The following ARHGAP20 variants were observed in gnomAD, a reference collection of about 807,000 sequenced individuals.
The protein encoded by ARHGAP20 is Rho GTPase activating protein 20, also known as rho GTPase-activating protein 20.
ARHGAP20 carries 34 observed loss-of-function variants against 73.7 expected under a neutral mutation model. The ratio of observed to expected loss-of-function variants is 0.46; its 90% confidence interval spans 0.35 to 0.61. The LOEUF (loss-of-function observed/expected upper bound fraction) is 0.61. Ranked by LOEUF, ARHGAP20 falls within the 20% of genes least tolerant of loss-of-function variation. The pLI is 0.00. For synonymous variants in ARHGAP20, 523 were observed against 518.2 expected (o/e 1.01, Z -0.13); for missense variants, 1,314 against 1,420.9 (o/e 0.92, Z 1.21).
At chr11:110,632,683 G>A (rs879583903) in intron 2 of ARHGAP20, among the ~76,000 whole-genome samples, 1 of 152,118 alleles carries the variant, frequency 6.6e-6, no homozygotes, top group African/African-American at 2.4e-5. Context: ...AGGATTACAG[G>A]TTGAGCCACC....
chr11:110,683,616 T>A (rs975090109), intron 2 of ARHGAP20, among the ~76,000 whole-genome samples: 1 of 152,130 alleles, frequency 6.6e-6, no homozygotes, highest in Non-Finnish European at 1.5e-5. Context: ...GAGATTCCAA[T>A]GAAGTGTGAT....
chr11:110,630,603 A>T, intron 3 of ARHGAP20, 25 bp downstream of exon 3: 1 of 1,598,190 alleles, frequency 6.3e-7, no homozygotes, highest in Admixed American at 1.7e-5. Flanking sequence ...TTATAATGAT[A>T]ATCAGGAGTA....
intron 1 of ARHGAP20, among the ~76,000 whole-genome samples, chr11:110,695,287 CTTA>C (rs913964099): frequency 6.6e-6 from 1 of 151,384 alleles, no homozygotes; most frequent in African/African-American, 2.4e-5. Context: ...GCAGTGGCTT[CTTA>C]TTAATAGATA....
intron 4 of ARHGAP20, among the ~76,000 whole-genome samples, chr11:110,621,086 A>G (rs1343932051): frequency 1.3e-5 from 2 of 150,860 alleles, no homozygotes; most frequent in Admixed American, 1.3e-4. Flanking sequence ...AAAAAAAAAA[A>G]AAAAAAAAAA....
At chr11:110,694,031 T>A (rs929811072) in intron 1 of ARHGAP20, among the ~76,000 whole-genome samples, 1 of 151,922 alleles carries the variant, frequency 6.6e-6, no homozygotes, top group African/African-American at 2.4e-5. Context: ...CGATAAACTA[T>A]ACATTTAGGC....
chr11:110,697,497 T>A (rs572740455), intron 1 of ARHGAP20, among the ~76,000 whole-genome samples: 1 of 152,070 alleles, frequency 6.6e-6, no homozygotes, highest in South Asian at 2.1e-4. Context: ...GAGGCACAAT[T>A]TGTGAATATT....
rs554372860 is a variant in ARHGAP20 at position 110,607,958 on chromosome 11, C to T, written c.775+1026G>A. Among the ~76,000 whole-genome samples, 9 of 152,260 alleles carry T rather than the reference C, an allele frequency of 5.9e-5. No individual in the cohort carries two copies. The East Asian group carries it at 1.5e-3, about 26-fold the overall frequency. ...TTTGATTTTTAATAACTTTATTGCT[C>T]ATTGACTATTACAAAAATGACAACA... On this transcript the variant is annotated intron_variant, in intron 8 of 14. Coordinates refer to ENST00000683387, the MANE Select transcript of ARHGAP20 (RefSeq NM_001384657.1).
At chr11:110,659,735 T>C (rs1949556463) in intron 2 of ARHGAP20, among the ~76,000 whole-genome samples, 1 of 152,010 alleles carries the variant, frequency 6.6e-6, no homozygotes, top group Non-Finnish European at 1.5e-5. Context: ...TAAAAAATGA[T>C]GAGTTCATGT....
chr11:110,647,055 A>G (rs1299868265), intron 2 of ARHGAP20, among the ~76,000 whole-genome samples: 1 of 152,074 alleles, frequency 6.6e-6, no homozygotes, highest in East Asian at 1.9e-4. Flanking sequence ...GAGAGAATGG[A>G]GCTTTGTAAA....
At chr11:110,591,656 G>A (rs538785343) in intron 10 of ARHGAP20, among the ~76,000 whole-genome samples, 1 of 152,002 alleles carries the variant, frequency 6.6e-6, no homozygotes, top group South Asian at 2.1e-4. Context: ...TTGCTACAAT[G>A]ATCAAAGAAG....
In ARHGAP20 at chr11:110,578,845, TG is replaced by T; in HGVS notation, c.*524del. 1 of 985,912 alleles carries T rather than the reference TG, an allele frequency of 1.0e-6. No individual in the cohort carries two copies. The highest frequency in any genetic ancestry group is 1.2e-6 in the Non-Finnish European group (1 of 830,032). 61.1% of individuals were successfully genotyped at this position (985,912 alleles called of 1,614,324 possible). On this transcript the variant is annotated 3_prime_UTR_variant, in exon 15 of 15. Transcript: ENST00000683387. ...CGTGATTAGTAAGATCCCACAAAAA[TG>T]GCCACTGGCTTAGATTTAGGGAAAG...
chr11:110,611,266 CA>C, intron 7 of ARHGAP20, 42 bp downstream of exon 7: 1 of 1,280,830 alleles, frequency 7.8e-7, no homozygotes, highest in Non-Finnish European at 1.1e-6. Flanking sequence ...TTTAAATAAT[CA>C]AAGTTTATTT....
At chr11:110,683,958 G>C (rs2135100370) in intron 2 of ARHGAP20, among the ~76,000 whole-genome samples, 1 of 152,264 alleles carries the variant, frequency 6.6e-6, no homozygotes, top group East Asian at 1.9e-4. Flanking sequence ...AGAAGTACAA[G>C]GGAGCTGTTT....
intron 1 of ARHGAP20, among the ~76,000 whole-genome samples, chr11:110,698,891 T>A (rs1591188495): frequency 6.6e-6 from 1 of 151,810 alleles, no homozygotes; most frequent in African/African-American, 2.4e-5. Flanking sequence ...ATCCTTTATA[T>A]CTTTTTTTGT....
At chr11:110,626,915 C>T (rs918313828) in intron 3 of ARHGAP20, among the ~76,000 whole-genome samples, 1 of 151,958 alleles carries the variant, frequency 6.6e-6, no homozygotes, top group Admixed American at 6.6e-5. Flanking sequence ...TCATAGAATG[C>T]TTCTTCAGAT....
At chr11:110,583,114 C>G (rs1468259368) in intron 13 of ARHGAP20, among the ~76,000 whole-genome samples, 3 of 152,172 alleles carry the variant, frequency 2.0e-5, no homozygotes, top group Admixed American at 6.5e-5. Flanking sequence ...CTGTCAGGGA[C>G]TACAGGAGTG....
At chr11:110,657,849 C>T (rs540271301) in intron 2 of ARHGAP20, among the ~76,000 whole-genome samples, 7 of 150,274 alleles carry the variant, frequency 4.7e-5, no homozygotes, top group South Asian at 2.1e-4. Flanking sequence ...GAGCCAAGAT[C>T]GTGCCACTGC....
At chr11:110,608,599 T>C (rs1387034273) in intron 8 of ARHGAP20, among the ~76,000 whole-genome samples, 1 of 152,078 alleles carries the variant, frequency 6.6e-6, no homozygotes, top group Non-Finnish European at 1.5e-5. Flanking sequence ...TGGTCTTCCA[T>C]AGAGGCACAT....
chr11:110,609,070 A>C lies in ARHGAP20; in HGVS notation c.709-20T>G. On this transcript the variant is annotated intron_variant, in intron 7 of 14. Transcript: ENST00000683387. ...AGAGCCCTTAGAGATAAAAGAGTTA[A>C]ATGTCACAATAAATCTTTCACATTT... The C allele has an allele frequency of 1.2e-6, 2 of 1,602,486 alleles. No individual in the cohort carries two copies. The highest frequency in any genetic ancestry group is 1.3e-5 in the African/African-American group (1 of 74,360).
Sources: allele counts gnomAD v4.1 joint callset (sites outside exome capture counted in the v4.1 genomes callset), GRCh38; gene constraint gnomAD v4.1.1; transcripts MANE v1.5; gene names NCBI Gene and HGNC (gene_info 2026-07-23, HGNC 2026-07-21).